Variants in FHIT observed in about 807,000 individuals in gnomAD.
The protein encoded by FHIT is fragile histidine triad diadenosine triphosphatase, also known as bis(5'-adenosyl)-triphosphatase.
In FHIT, 19 loss-of-function variants were observed where a neutral mutation model predicts 17.9. The observed-to-expected ratio is 1.06, with a 90% confidence interval of 0.74 to 1.56. The LOEUF (loss-of-function observed/expected upper bound fraction) is 1.56. Among genes scored for constraint, FHIT ranks in the 40% most tolerant of loss-of-function variants. The probability of loss-of-function intolerance (pLI) is 0.00; values close to 1 mark genes in which losing one functional copy is unlikely to be tolerated. For synonymous variants in FHIT, 81 were observed against 69.7 expected, an observed-to-expected ratio of 1.16 and a Z score of -0.81; for missense variants, 248 against 189.2, an observed-to-expected ratio of 1.31 and a Z score of -1.82.
chr3:60,781,657 C>G lies in FHIT; in HGVS notation c.-18+40262G>C, dbSNP rs189475074. Among the ~76,000 whole-genome samples the G allele has an allele frequency of 7.2e-5, 11 of 152,200 alleles. No individual in the cohort carries two copies. The East Asian group carries it at 1.9e-3, about 27-fold the overall frequency. On this transcript the variant is annotated intron_variant, in intron 4 of 9. Transcript: ENST00000492590. Reference sequence around the variant, plus strand: ...CCTATTGCTAGCTCTCTCTACTTTGCTAAGTCTATTGTGAAAATATCACAA... The same window carrying G: ...CCTATTGCTAGCTCTCTCTACTTTGGTAAGTCTATTGTGAAAATATCACAA...
Position 60,096,362 on chromosome 3 carries a change from G to A in FHIT, c.104-82210C>T, listed in dbSNP as rs187019865. On this transcript the variant is annotated intron_variant, in intron 5 of 9. Transcript: ENST00000492590. Reference sequence around the variant, plus strand: ...GCTTTTATAGGCTCAGAATAGGGGAGGGGCAGGCAGTAGGTAGTACTCGAA... The same window carrying A: ...GCTTTTATAGGCTCAGAATAGGGGAAGGGCAGGCAGTAGGTAGTACTCGAA... Among the ~76,000 whole-genome samples, 16 of 152,312 alleles carry A rather than the reference G, an allele frequency of 1.1e-4. No homozygotes were observed. The East Asian group carries it at 3.1e-3, about 29-fold the overall frequency.
At chr3:60,317,786 T>A (rs904273748) in intron 5 of FHIT, among the ~76,000 whole-genome samples, 1 of 103,248 alleles carries the variant, frequency 9.7e-6, no homozygotes, top group African/African-American at 6.2e-5. Context: ...CAAGTTTTTC[T>A]TCTTTTTTTT....
At chr3:61,236,590 T>C (rs1265427897) in intron 1 of FHIT, among the ~76,000 whole-genome samples, 1 of 152,088 alleles carries the variant, frequency 6.6e-6, no homozygotes, top group Non-Finnish European at 1.5e-5. Context: ...TTCAGAATGA[T>C]CAGATCCAAG....
At chr3:60,847,892 A>G (rs1575593937) in intron 3 of FHIT, among the ~76,000 whole-genome samples, 1 of 152,310 alleles carries the variant, frequency 6.6e-6, no homozygotes, top group Non-Finnish European at 1.5e-5. Context: ...CAAATGAAAT[A>G]AAGAACTTGA....
chr3:60,802,804 T>G (rs1553732725), intron 4 of FHIT, among the ~76,000 whole-genome samples: 1 of 151,994 alleles, frequency 6.6e-6, no homozygotes, highest in African/African-American at 2.4e-5. Context: ...TAATGTACAC[T>G]ACGTTAGTAA....
chr3:61,147,154 G>A (rs1201505361), intron 2 of FHIT, among the ~76,000 whole-genome samples: 1 of 151,942 alleles, frequency 6.6e-6, no homozygotes, highest in Non-Finnish European at 1.5e-5. Flanking sequence ...GTTCCTGAAG[G>A]TTATTTAAGG....
intron 3 of FHIT, among the ~76,000 whole-genome samples, chr3:60,884,820 G>A (rs181455371): frequency 1.3e-5 from 2 of 148,342 alleles, no homozygotes; most frequent in Non-Finnish European, 1.5e-5. Context: ...TGGGAAGATC[G>A]CTTGAGCCCA....
intron 5 of FHIT, among the ~76,000 whole-genome samples, chr3:60,501,033 G>A (rs2034504918): frequency 6.6e-6 from 1 of 151,806 alleles, no homozygotes; most frequent in Admixed American, 6.5e-5. Flanking sequence ...CAACCTAATA[G>A]CAAGTAACAG....
chr3:60,708,135 C>G (rs2041421251), intron 4 of FHIT, among the ~76,000 whole-genome samples: 1 of 152,150 alleles, frequency 6.6e-6, no homozygotes. Flanking sequence ...GGCTTATATT[C>G]AAGTATAATT....
intron 5 of FHIT, among the ~76,000 whole-genome samples, chr3:60,130,785 G>GTGTATATACACACATATGTGTGTGTGTA (rs1699520742): frequency 7.7e-3 from 1 of 130 alleles, no homozygotes; most frequent in African/African-American, 0.033. Context: ...TGTGTGTGTG[G>GTGTATATACACACATATGTGTGTGTGTA]TGTGTATATA....
chr3:60,112,058 G>T (rs573719597), intron 5 of FHIT, among the ~76,000 whole-genome samples: 2 of 152,328 alleles, frequency 1.3e-5, no homozygotes, highest in African/African-American at 4.8e-5. Context: ...AAGTGGCTCA[G>T]TGAAGCTAAG....
chr3:60,754,881 T>G (rs574402417), intron 4 of FHIT, among the ~76,000 whole-genome samples: 16 of 152,342 alleles, frequency 1.1e-4, no homozygotes, highest in African/African-American at 3.8e-4. Context: ...TCTTGCTAAC[T>G]ATAACTTCTC....
Position 60,381,427 on chromosome 3 carries a change from G to A in FHIT, c.103+155433C>T, listed in dbSNP as rs374131546. 8.6e-5 allele frequency among the ~76,000 whole-genome samples: 13 copies of A among 151,400 alleles called. No individual in the cohort carries two copies. In the East Asian group the frequency reaches 1.6e-3, roughly 18 times the overall value. On this transcript the variant is annotated intron_variant, in intron 5 of 9. Transcript: ENST00000492590. The stretch of plus-strand genomic sequence containing the variant: ...TGGGAAGTGGAGATTGCAATGAGCC[G>A]AGACCGTGCCATTGCACTCCAGCCT...
chr3:60,290,666 T>C (rs1707940888), intron 5 of FHIT, among the ~76,000 whole-genome samples: 1 of 152,148 alleles, frequency 6.6e-6, no homozygotes, highest in Non-Finnish European at 1.5e-5. Context: ...TTTTTTCTAG[T>C]TCCAAAGCCT....
chr3:60,046,245 C>T (rs1701648372), intron 5 of FHIT, among the ~76,000 whole-genome samples: 2 of 152,202 alleles, frequency 1.3e-5, no homozygotes, highest in African/African-American at 4.8e-5. Flanking sequence ...CTCACACATG[C>T]CCAGTTTCAC....
rs548617327 is a variant in FHIT at position 60,048,178 on chromosome 3, C to A, written c.104-34026G>T. Among the ~76,000 whole-genome samples the A allele has an allele frequency of 5.9e-5, 9 of 152,134 alleles. No homozygotes were observed. In the South Asian group the frequency reaches 1.9e-3, roughly 32 times the overall value. On this transcript the variant is annotated intron_variant, in intron 5 of 9. Coordinates refer to ENST00000492590, the MANE Select transcript of FHIT (RefSeq NM_002012.4). ...TGGTTTCATTTTAAGTTCTCTCTTT[C>A]TTTGTTTTCTTCTTTTGAGACAGAG... is the stretch of plus-strand genomic sequence containing the variant.
intron 3 of FHIT, among the ~76,000 whole-genome samples, chr3:60,996,294 A>G (rs2030668976): frequency 6.6e-6 from 1 of 152,212 alleles, no homozygotes; most frequent in Non-Finnish European, 1.5e-5. Context: ...AATGCGGTGC[A>G]AGACACGGTT....
intron 7 of FHIT, among the ~76,000 whole-genome samples, chr3:59,986,351 T>A (rs964178253): frequency 6.6e-5 from 10 of 151,018 alleles, no homozygotes; most frequent in African/African-American, 2.4e-4. Context: ...GGATTAAGAT[T>A]CCAAATACTG....
intron 3 of FHIT, among the ~76,000 whole-genome samples, chr3:60,927,269 G>A (rs191578163): frequency 9.2e-5 from 14 of 152,320 alleles, no homozygotes; most frequent in African/African-American, 1.4e-4. Context: ...CCGAGGTGCC[G>A]GGATTGCAGA....
Sources: allele counts gnomAD v4.1 joint callset (sites outside exome capture counted in the v4.1 genomes callset), GRCh38; gene constraint gnomAD v4.1.1; transcripts MANE v1.5; gene names NCBI Gene and HGNC (gene_info 2026-07-23, HGNC 2026-07-21).